Variants in PRPF6 observed in about 807,000 individuals in gnomAD.
The protein encoded by PRPF6 is pre-mRNA processing factor 6.
Under a neutral mutation model 118.3 loss-of-function variants are expected in PRPF6, and 42 were observed. That is an observed-to-expected ratio of 0.35 (90% CI 0.28 to 0.46). PRPF6 has a LOEUF of 0.46. Ranked by LOEUF, PRPF6 falls within the 20% of genes least tolerant of loss-of-function variation. The probability of loss-of-function intolerance (pLI) is 1.00; values close to 1 mark genes in which losing one functional copy is unlikely to be tolerated. For missense variants in PRPF6, 662 were observed against 1,255.7 expected, an observed-to-expected ratio of 0.53 and a Z score of 7.15; for synonymous variants, 481 against 485.1, an observed-to-expected ratio of 0.99 and a Z score of 0.11.
intron 11 of PRPF6, among the ~76,000 whole-genome samples, chr20:64,013,261 G>C (rs2059223071): frequency 6.6e-6 from 1 of 152,116 alleles, no homozygotes; most frequent in Admixed American, 6.5e-5. Context: ...TAAGGCTATA[G>C]AAAAGTTTCC....
chr20:64,029,617 G>A lies in PRPF6; in HGVS notation c.2546+126G>A, dbSNP rs2059306110. ...AGCAGGGTGGGCTTCCCCGATCCTC[G>A]GCTGCCGTCGCTCCTGCTGTGGTCT... On this transcript the variant is annotated intron_variant, in intron 19 of 20. Coordinates refer to ENST00000266079, the MANE Select transcript of PRPF6 (RefSeq NM_012469.4). The surrounding 1 kb of genome is among the most constrained non-coding windows in gnomAD (Gnocchi z 4.8). The A allele has an allele frequency of 4.8e-6, 4 of 826,612 alleles. No homozygotes were observed. The highest frequency in any genetic ancestry group is 2.7e-5 in the East Asian group (1 of 37,666). The allele number at this position is 826,612 out of a possible 1,614,324, so 51.2% of individuals were successfully genotyped here.
chr20:64,009,523 G>A (rs1019902234), intron 9 of PRPF6, among the ~76,000 whole-genome samples: 2 of 151,994 alleles, frequency 1.3e-5, no homozygotes, highest in African/African-American at 2.4e-5. Flanking sequence ...AGGAGTTTGA[G>A]ACCAGCCTGG....
chr20:64,029,406 G>A lies in PRPF6; in HGVS notation c.2461G>A (p.Glu821Lys). ...CCTGTGGTCTGAGGCCATCTTCCTC[G>A]AGGCAAGGCCCCAGAGGAGGACCAA... ...GILWSEAIFL[E>K]ARPQRRTKSV... The change falls in exon 19 of 21, where the codon GAG (glutamate) becomes AAG (lysine). Residue 821 changes from glutamate (E) to lysine (K), a missense_variant. Coordinates refer to ENST00000266079, the MANE Select transcript of PRPF6 (RefSeq NM_012469.4). The surrounding 1 kb of genome is among the most constrained non-coding windows in gnomAD (Gnocchi z 4.8). 1.2e-6 allele frequency: 2 copies of A among 1,614,132 alleles called. No homozygotes were observed. The highest frequency in any genetic ancestry group is 8.5e-7 in the Non-Finnish European group (1 of 1,180,012).
chr20:64,007,211 C>T (rs1420792763), intron 9 of PRPF6, among the ~76,000 whole-genome samples: 1 of 152,226 alleles, frequency 6.6e-6, no homozygotes, highest in Non-Finnish European at 1.5e-5. Flanking sequence ...GTGGCTTGGT[C>T]TGTCAGTAAC....
chr20:64,014,886 A>C (rs1478462687), intron 11 of PRPF6, among the ~76,000 whole-genome samples: 1 of 152,186 alleles, frequency 6.6e-6, no homozygotes, highest in East Asian at 1.9e-4. Flanking sequence ...TATTGCTTCT[A>C]CTGAGCGTGG....
In PRPF6 at chr20:64,029,464, AC is replaced by A; in HGVS notation, c.2524del (p.His842MetfsTer27). 6.2e-7 allele frequency: 1 copy of A among 1,614,018 alleles called. No homozygotes were observed. On this transcript the variant is annotated frameshift_variant, in exon 19 of 21. Transcript: ENST00000266079. LOFTEE classifies it high-confidence loss of function. This position sits in a 1 kb window ranked among gnomAD's most constrained non-coding sequence, Gnocchi z 4.8. ...GATGCCCTGAAGAAGTGTGAGCATG[AC>A]CCCCATGTGCTCCTGGCCGTGGCCA... ...SVDALKKCEH[D>X]PHVLLAVAKL...
intron 12 of PRPF6, among the ~76,000 whole-genome samples, chr20:64,017,366 C>T (rs553496149): frequency 1.4e-5 from 2 of 146,494 alleles, no homozygotes; most frequent in Admixed American, 6.7e-5. Flanking sequence ...TGAGCCACCG[C>T]GCCCGGCCTC....
intron 13 of PRPF6, 110 bp from the exon 14 acceptor site, chr20:64,024,445 G>A (rs1432366437): frequency 3.5e-6 from 5 of 1,416,960 alleles, no homozygotes; most frequent in African/African-American, 1.4e-5. Context: ...TTATAGCATC[G>A]AACTTTGGAG....
At chr20:64,017,823 G>A (rs868384422) in intron 12 of PRPF6, among the ~76,000 whole-genome samples, 11 of 152,204 alleles carry the variant, frequency 7.2e-5, no homozygotes, top group Non-Finnish European at 1.0e-4. Context: ...AAAAGAGGAC[G>A]TTCTCTTACA....
At chr20:64,009,543 T>C (rs1031862445) in intron 9 of PRPF6, among the ~76,000 whole-genome samples, 5 of 152,030 alleles carry the variant, frequency 3.3e-5, no homozygotes, top group Non-Finnish European at 5.9e-5. Context: ...GCCAATATGG[T>C]GAAACCCCGT....
intron 19 of PRPF6, among the ~76,000 whole-genome samples, chr20:64,030,405 T>G (rs2059309638): frequency 6.6e-6 from 1 of 152,198 alleles, no homozygotes; most frequent in South Asian, 2.1e-4. Context: ...GCCTTCCTAG[T>G]GCTGGCTTTT....
At position 64,027,126 on chromosome 20, in the gene PRPF6, A is replaced by G; in HGVS notation, c.2173A>G (p.Met725Val). The G allele has an allele frequency of 6.2e-7, 1 of 1,613,926 alleles. No individual in the cohort carries two copies. The highest frequency in any genetic ancestry group is 8.5e-7 in the Non-Finnish European group (1 of 1,180,008). Residue 725 changes from methionine (M) to valine (V), a missense_variant, in exon 16 of 21, where the codon ATG becomes GTG. Coordinates refer to ENST00000266079, the MANE Select transcript of PRPF6 (RefSeq NM_012469.4). This position sits in a 1 kb window ranked among gnomAD's most constrained non-coding sequence, Gnocchi z 6.5. ...GCAGATCGAGGAGCAGAAGGAGATGATGGAGAAGGCGCGGGAAGCCTATAA... is the reference window on the plus strand; with the variant it reads ...GCAGATCGAGGAGCAGAAGGAGATGGTGGAGAAGGCGCGGGAAGCCTATAA... ...KGQIEEQKEM[M>V]EKAREAYNQG...
At chr20:64,024,999 C>T (rs947306874) in intron 14 of PRPF6, among the ~76,000 whole-genome samples, 1 of 152,140 alleles carries the variant, frequency 6.6e-6, no homozygotes, top group Non-Finnish European at 1.5e-5. Context: ...TGTATTCAGA[C>T]CGCCTCACTG....
intron 12 of PRPF6, among the ~76,000 whole-genome samples, chr20:64,019,552 C>T (rs1467310675): frequency 1.3e-5 from 2 of 152,202 alleles, no homozygotes; most frequent in Non-Finnish European, 2.9e-5. Flanking sequence ...GGCACAGCAT[C>T]ACTTGATCCT....
chr20:63,997,457 A>AT (rs150179547), intron 6 of PRPF6, among the ~76,000 whole-genome samples: 26,871 of 132,496 alleles, frequency 0.2, 3,018 homozygotes, highest in African/African-American at 0.28. Context: ...AGCCCAGCTA[A>AT]TTTTTTTTTT....
At chr20:64,000,622 A>G (rs1271671006) in intron 8 of PRPF6, among the ~76,000 whole-genome samples, 2 of 149,030 alleles carry the variant, frequency 1.3e-5, no homozygotes, top group African/African-American at 2.5e-5. Flanking sequence ...AGGCTGAAGT[A>G]CAGTGGCGTG....
rs2059304349 is a variant in PRPF6 at position 64,029,235 on chromosome 20, T to C, written c.2432-142T>C. 1.3e-6 allele frequency: 1 copy of C among 754,014 alleles called. No individual in the cohort carries two copies. The highest frequency in any genetic ancestry group is 2.6e-5 in the East Asian group (1 of 38,870). 46.7% of individuals were successfully genotyped at this position (754,014 alleles called of 1,614,324 possible). A position where few individuals can be genotyped will look rare whatever the true frequency, so the allele number is the denominator to read the frequency against. ...CCAGAGTGCTCATCCTTTGTGGTTC[T>C]CCTTGCACAAGTTCTGCGAGCCGTG... On this transcript the variant is annotated intron_variant, in intron 18 of 20. Transcript: ENST00000266079. This position sits in a 1 kb window ranked among gnomAD's most constrained non-coding sequence, Gnocchi z 4.8.
At chr20:64,001,736 C>T (rs974153665) in intron 9 of PRPF6, among the ~76,000 whole-genome samples, 2 of 152,242 alleles carry the variant, frequency 1.3e-5, no homozygotes, top group East Asian at 1.9e-4. Flanking sequence ...CGCGATGCAG[C>T]GTGTGCCGTC....
Position 64,029,434 on chromosome 20 carries a change from G to A in PRPF6, c.2489G>A (p.Ser830Asn), listed in dbSNP as rs1569226433. The part of the protein sequence containing the change: ...LEARPQRRTK[S>N]VDALKKCEHD... ...GCAAGGCCCCAGAGGAGGACCAAGA[G>A]CGTGGATGCCCTGAAGAAGTGTGAG... The change falls in exon 19 of 21, where the codon AGC becomes AAC. Residue 830 changes from serine to asparagine, a missense_variant. Physicochemically the swap from Ser to Asn is conservative, Grantham distance 46 (BLOSUM62 1). Around this residue, in one of 10 missense-constraint regions of PRPF6, gnomAD observed 244 missense variants for 383.7 expected, o/e 0.64. Transcript: ENST00000266079. The surrounding 1 kb of genome is among the most constrained non-coding windows in gnomAD (Gnocchi z 4.8). 3 of 1,614,226 alleles carry A rather than the reference G, an allele frequency of 1.9e-6. No homozygotes were observed. Among genetic ancestry groups the A allele is most frequent in the Non-Finnish European group, 8.5e-7 (1 of 1,180,054 alleles).
Sources: allele counts gnomAD v4.1 joint callset (sites outside exome capture counted in the v4.1 genomes callset), GRCh38; gene constraint gnomAD v4.1.1; regional missense constraint gnomAD v4.1.1; non-coding constraint Gnocchi (gnomAD v3.1); transcripts MANE v1.5; gene names NCBI Gene and HGNC (gene_info 2026-07-23, HGNC 2026-07-21).